The following EPS8L1 variants were observed in gnomAD, a reference collection of about 807,000 sequenced individuals.
EPS8L1 encodes epidermal growth factor receptor kinase substrate 8-like protein 1.
Under a neutral mutation model 91.7 loss-of-function variants are expected in EPS8L1, and 101 were observed. That is an observed-to-expected ratio of 1.10 (90% confidence interval 0.94 to 1.30). The LOEUF (loss-of-function observed/expected upper bound fraction) is 1.30, where lower values mean the gene tolerates loss of function less well. EPS8L1 is among the 50% of genes most tolerant of loss of function. The pLI is 0.00. For missense variants in EPS8L1, 1,114 were observed against 1,017.0 expected (o/e 1.10, Z -1.30); for synonymous variants, 506 against 445.3 (o/e 1.14, Z -1.72).
intron 15 of EPS8L1, 39 bp from the exon 16 acceptor site, chr19:55,086,022 C>T (rs1568797006): frequency 6.2e-7 from 1 of 1,600,142 alleles, no homozygotes; most frequent in Admixed American, 1.7e-5. Flanking sequence ...GCCCTAGCTG[C>T]AGACAGGCTC....
At chr19:55,079,571 G>A in intron 4 of EPS8L1, 119 bp from the exon 5 acceptor site, 1 of 1,250,488 alleles carries the variant, frequency 8.0e-7, no homozygotes, top group Non-Finnish European at 1.1e-6. Context: ...AGGTGATCAA[G>A]GAAGGCTTCC....
chr19:55,086,249 G>A (rs2147164451), intron 16 of EPS8L1, 57 bp downstream of exon 16: 1 of 1,602,810 alleles, frequency 6.2e-7, no homozygotes, highest in South Asian at 1.1e-5. Flanking sequence ...CCAGATCCTG[G>A]GAACAAGGGG....
chr19:55,087,853 C>A lies in EPS8L1; in HGVS notation c.*239C>A. On this transcript the variant is annotated 3_prime_UTR_variant, in exon 20 of 20. Coordinates refer to ENST00000201647, the MANE Select transcript of EPS8L1 (RefSeq NM_133180.3). ...TCTACGGAAAGCGCTAGCAGACCCCCGAGAGGGTGCAGTGGAGCCCTGAGC... is the reference window on the plus strand; with the variant it reads ...TCTACGGAAAGCGCTAGCAGACCCCAGAGAGGGTGCAGTGGAGCCCTGAGC... 1.8e-6 allele frequency: 1 copy of A among 546,184 alleles called. No homozygotes were observed. Among genetic ancestry groups the A allele is most frequent in the Non-Finnish European group, 3.3e-6 (1 of 302,470 alleles). 33.8% of individuals were successfully genotyped at this position (546,184 alleles called of 1,614,324 possible).
chr19:55,081,287 T>A lies in EPS8L1; in HGVS notation c.569T>A (p.Leu190Gln). Residue 190 changes from leucine to glutamine, a missense_variant, in exon 8 of 20, where the codon CTG becomes CAG. Physicochemically the swap from Leu to Gln is moderately radical, Grantham distance 113 (BLOSUM62 -2). Coordinates refer to ENST00000201647, the MANE Select transcript of EPS8L1 (RefSeq NM_133180.3). The surrounding 1 kb of genome is among the most constrained non-coding windows in gnomAD (Gnocchi z 4.9). The stretch of plus-strand genomic sequence containing the variant: ...TCGCCCGCCGCTGAGACCCCGCCCC[T>A]GCAGCGCCGCCCGTCAGTCCGCGCA... Reference protein sequence around the residue: ...DRSPAAETPPLQRRPSVRAVI... With the variant: ...DRSPAAETPPQQRRPSVRAVI... 1 of 1,549,168 alleles carries A rather than the reference T, an allele frequency of 6.5e-7. No individual in the cohort carries two copies.
intron 3 of EPS8L1, 94 bp downstream of exon 3, chr19:55,078,222 G>T (rs1030661062): frequency 6.5e-6 from 7 of 1,078,682 alleles, no homozygotes; most frequent in Non-Finnish European, 9.5e-6. Flanking sequence ...GGGGCTGGGG[G>T]TCTGGACTCC....
At position 55,083,567 on chromosome 19, in the gene EPS8L1, C is replaced by T. The variant is rs780604195; in HGVS notation, c.1356+48C>T. ...GCCGAGGCTGGGAAGTCCGGGGGCGCGGCCGGTCCGCCTGGCCCCGCCTGA... is the reference window on the plus strand; with the variant it reads ...GCCGAGGCTGGGAAGTCCGGGGGCGTGGCCGGTCCGCCTGGCCCCGCCTGA... On this transcript the variant is annotated intron_variant, in intron 13 of 19. Transcript: ENST00000201647. The surrounding 1 kb of genome is among the most constrained non-coding windows in gnomAD (Gnocchi z 4.7). 10 of 1,594,828 alleles carry T rather than the reference C, an allele frequency of 6.3e-6. No individual in the cohort carries two copies. Among genetic ancestry groups the T allele is most frequent in the Non-Finnish European group, 8.5e-6 (10 of 1,170,916 alleles).
At chr19:55,077,351 AC>A (rs1357138982) in intron 2 of EPS8L1, among the ~76,000 whole-genome samples, 11 of 152,114 alleles carry the variant, frequency 7.2e-5, no homozygotes, top group African/African-American at 2.2e-4. Context: ...AATGATAATA[AC>A]AGTTATTGAG....
Position 55,081,846 on chromosome 19 carries a change from G to C in EPS8L1, c.848G>C (p.Arg283Thr), listed in dbSNP as rs2076270679. 1 of 1,611,630 alleles carries C rather than the reference G, an allele frequency of 6.2e-7. No individual in the cohort carries two copies. Among genetic ancestry groups the C allele is most frequent in the Non-Finnish European group, 8.5e-7 (1 of 1,178,784 alleles). Residue 283 changes from arginine to threonine, a missense_variant, in exon 9 of 20, where the codon AGG (arginine) becomes ACG (threonine). Transcript: ENST00000201647. This position sits in a 1 kb window ranked among gnomAD's most constrained non-coding sequence, Gnocchi z 4.9. ...CTGCAGAAGTCGGCGGAGGCGGCCA[G>C]GGTGCTGGAGCACCGGGAACGCGGC... is the stretch of plus-strand genomic sequence containing the variant. Reference protein sequence around the residue: ...SRLQKSAEAARVLEHRERGRR... With the variant: ...SRLQKSAEAATVLEHRERGRR...
Position 55,087,583 on chromosome 19 carries a change from T to C in EPS8L1, c.2141T>C (p.Val714Ala), listed in dbSNP as rs779487676. 4.3e-6 allele frequency: 7 copies of C among 1,613,592 alleles called. No homozygotes were observed. In the South Asian group the frequency reaches 7.7e-5, roughly 18 times the overall value. Residue 714 changes from valine to alanine, a missense_variant, in exon 20 of 20, where the codon GTG (valine) becomes GCG (alanine). Val to Ala is a moderately conservative substitution (Grantham distance 64, BLOSUM62 0). Coordinates refer to ENST00000201647, the MANE Select transcript of EPS8L1 (RefSeq NM_133180.3). ...GTGATGGAGAAGCAAAAGAAGAAGG[T>C]GGAAGGCGAGGTGGAAATGGAGGTC... is the stretch of plus-strand genomic sequence containing the variant. ...EAVMEKQKKK[V>A]EGEVEMEVI
chr19:55,079,586 G>T, intron 4 of EPS8L1, 104 bp from the exon 5 acceptor site: 2 of 1,359,774 alleles, frequency 1.5e-6, no homozygotes, highest in Non-Finnish European at 2.0e-6. Context: ...GCTTCCTGGA[G>T]GAGGTGTGGT....
At chr19:55,079,926 C>T (rs959187418) in intron 5 of EPS8L1, 75 bp downstream of exon 5, 2 of 1,497,064 alleles carry the variant, frequency 1.3e-6, no homozygotes, top group African/African-American at 2.8e-5. Flanking sequence ...ATCTTGGCTC[C>T]TGCACGTCCT....
rs1196836965 is a variant in EPS8L1, at chr19:55,086,467, C to A, written c.1726C>A (p.Pro576Thr). 11 of 1,552,230 alleles carry A rather than the reference C, an allele frequency of 7.1e-6. No individual in the cohort carries two copies. The highest frequency in any genetic ancestry group is 9.6e-6 in the Non-Finnish European group (11 of 1,147,246). Residue 576 changes from proline (P) to threonine (T), a missense_variant, in exon 17 of 20, where the codon CCC becomes ACC. Transcript: ENST00000201647. ...PALARPRWDR[P>T]RWDSCDSLNG... ...TCTGGCTCGGCCCCGCTGGGACAGG[C>A]CCCGCTGGGACAGCTGCGATAGCCT...
chr19:55,086,887 G>T lies in EPS8L1; in HGVS notation c.1951G>T (p.Gly651Trp), dbSNP rs1224006338. ...AWLQAKGFSS[G>W]TVDALGVLTG... ...GCTGCAGGCCAAGGGCTTTAGCTCC[G>T]GGTGAGTGGGGCCGGGGCCCTCTCG... is the stretch of plus-strand genomic sequence containing the variant. The change falls in exon 18 of 20, where the codon GGG becomes TGG. Residue 651 changes from glycine to tryptophan, a missense_variant and splice_region_variant. Transcript: ENST00000201647. 1 of 1,429,684 alleles carries T rather than the reference G, an allele frequency of 7.0e-7. No homozygotes were observed. Among genetic ancestry groups the T allele is most frequent in the African/African-American group, 1.5e-5 (1 of 66,378 alleles). 88.6% of individuals were successfully genotyped at this position (1,429,684 alleles called of 1,614,324 possible).
At position 55,078,994 on chromosome 19, in the gene EPS8L1, G is replaced by A. The variant is rs367911155; in HGVS notation, c.59-5G>A. On this transcript the variant is annotated splice_polypyrimidine_tract_variant and splice_region_variant and intron_variant, in intron 3 of 19. Coordinates refer to ENST00000201647, the MANE Select transcript of EPS8L1 (RefSeq NM_133180.3). The stretch of plus-strand genomic sequence containing the variant: ...CCCAGGCTCATTCTCTTTCTCCCCT[G>A]GCAGAGCAGAGGAAGCGTTACTCCA... The A allele has an allele frequency of 6.2e-7, 1 of 1,613,936 alleles. No individual in the cohort carries two copies. The highest frequency in any genetic ancestry group is 8.5e-7 in the Non-Finnish European group (1 of 1,179,920).
At chr19:55,078,185 C>T in intron 3 of EPS8L1, 57 bp downstream of exon 3, 3 of 1,548,982 alleles carry the variant, frequency 1.9e-6, no homozygotes, top group South Asian at 1.1e-5. Context: ...AGAAACAGGA[C>T]CTGGCATCCA....
In EPS8L1 at chr19:55,080,138, G is replaced by C. The variant is rs1568780751; in HGVS notation, c.289G>C (p.Glu97Gln). 2 of 1,501,898 alleles carry C rather than the reference G, an allele frequency of 1.3e-6. No individual in the cohort carries two copies. Among genetic ancestry groups the C allele is most frequent in the Non-Finnish European group, 1.8e-6 (2 of 1,119,050 alleles). The allele number at this position is 1,501,898 out of a possible 1,614,324, so 93.0% of individuals were successfully genotyped here. Residue 97 changes from glutamate (E) to glutamine (Q), a missense_variant, in exon 6 of 20, where the codon GAG becomes CAG. Coordinates refer to ENST00000201647, the MANE Select transcript of EPS8L1 (RefSeq NM_133180.3). ...CCATCCCACCCGGCAGGAGGAGCTG[G>C]AGTCGTACCCACTGGGCGCCATCGT... ...LLDPASKEEL[E>Q]SYPLGAIVRC...
chr19:55,086,595 G>A, intron 17 of EPS8L1, 77 bp downstream of exon 17: 2 of 1,533,396 alleles, frequency 1.3e-6, no homozygotes, highest in Non-Finnish European at 1.8e-6. Flanking sequence ...GGCTCAGAAA[G>A]AGCAAAGGGA....
rs931513086 is a variant in EPS8L1, at chr19:55,081,688, G to T, written c.775-85G>T. On this transcript the variant is annotated intron_variant, in intron 8 of 19. Transcript: ENST00000201647. The surrounding 1 kb of genome is among the most constrained non-coding windows in gnomAD (Gnocchi z 4.9). ...TTGGGGCGTGGCCTGATCTGGGGAA[G>T]TGTATAGGTGCTCAGGTTCAGGGCT... 6.5e-7 allele frequency: 1 copy of T among 1,527,216 alleles called. No individual in the cohort carries two copies. Among genetic ancestry groups the T allele is most frequent in the Admixed American group, 2.1e-5 (1 of 47,900 alleles). 94.6% of individuals were successfully genotyped at this position (1,527,216 alleles called of 1,614,324 possible). A position where few individuals can be genotyped will look rare whatever the true frequency, so the allele number is the denominator to read the frequency against.
At position 55,082,260 on chromosome 19, in the gene EPS8L1, C is replaced by A; in HGVS notation, c.991-15C>A. The A allele has an allele frequency of 1.9e-6, 3 of 1,609,350 alleles. No homozygotes were observed. Among genetic ancestry groups the A allele is most frequent in the Non-Finnish European group, 2.5e-6 (3 of 1,178,244 alleles). The stretch of plus-strand genomic sequence containing the variant: ...CCCCGCACCCACGCCAACCACCTCC[C>A]TCCCCACGCCCCAGGCCCGGCTGCG... On this transcript the variant is annotated splice_polypyrimidine_tract_variant and intron_variant, in intron 10 of 19. Coordinates refer to ENST00000201647, the MANE Select transcript of EPS8L1 (RefSeq NM_133180.3).
Sources: allele counts gnomAD v4.1 joint callset (sites outside exome capture counted in the v4.1 genomes callset), GRCh38; gene constraint gnomAD v4.1.1; non-coding constraint Gnocchi (gnomAD v3.1); transcripts MANE v1.5; gene names NCBI Gene and HGNC (gene_info 2026-07-23, HGNC 2026-07-21).